The following LRMDA variants were observed in gnomAD, a reference collection of about 807,000 sequenced individuals.
LRMDA encodes leucine-rich melanocyte differentiation-associated protein.
Under a neutral mutation model 29.8 loss-of-function variants are expected in LRMDA, and 18 were observed. The ratio of observed to expected loss-of-function variants is 0.60; its 90% CI spans 0.42 to 0.90. The LOEUF (loss-of-function observed/expected upper bound fraction) is 0.90. Ranked by LOEUF, LRMDA falls within the 40% of genes least tolerant of loss-of-function variation. LRMDA has a pLI of 0.00. For missense variants in LRMDA, 273 were observed against 273.9 expected (o/e 1.00, Z 0.02); for synonymous variants, 125 against 109.4 (o/e 1.14, Z -0.89).
chr10:76,432,964 A>G (rs775876142), intron 6 of LRMDA, among the ~76,000 whole-genome samples: 1 of 152,208 alleles, frequency 6.6e-6, no homozygotes, highest in Non-Finnish European at 1.5e-5. Context: ...TTATCAGCAC[A>G]GAGGCCCAGG....
At chr10:76,187,688 G>A (rs1416734886) in intron 5 of LRMDA, among the ~76,000 whole-genome samples, 1 of 152,154 alleles carries the variant, frequency 6.6e-6, no homozygotes, top group Non-Finnish European at 1.5e-5. Context: ...GGGGACAGAG[G>A]TAAGGAAGGG....
intron 2 of LRMDA, among the ~76,000 whole-genome samples, chr10:75,592,591 C>A (rs1340281815): frequency 6.6e-6 from 1 of 152,200 alleles, no homozygotes; most frequent in Non-Finnish European, 1.5e-5. Flanking sequence ...ACAGAAAAAA[C>A]CACCAAGCAG....
chr10:75,440,309 G>C (rs1844312574), intron 2 of LRMDA, among the ~76,000 whole-genome samples: 1 of 150,882 alleles, frequency 6.6e-6, no homozygotes. Flanking sequence ...TTCCTTTGTT[G>C]AGAGGAGAGA....
At chr10:75,745,373 A>T (rs1192267778) in intron 2 of LRMDA, among the ~76,000 whole-genome samples, 1 of 152,084 alleles carries the variant, frequency 6.6e-6, no homozygotes, top group East Asian at 1.9e-4. Flanking sequence ...GCATCTTTTA[A>T]TTTTTTGTTA....
chr10:75,618,236 A>G (rs1841129211), intron 2 of LRMDA, among the ~76,000 whole-genome samples: 1 of 104,934 alleles, frequency 9.5e-6, no homozygotes, highest in East Asian at 2.7e-4. Flanking sequence ...ATTCATTACA[A>G]AATAACACTG....
At chr10:75,797,799 GA>G (rs1843678769) in intron 2 of LRMDA, among the ~76,000 whole-genome samples, 1 of 152,154 alleles carries the variant, frequency 6.6e-6, no homozygotes, top group African/African-American at 2.4e-5. Context: ...GTCAGTTGAT[GA>G]TGAACAATGC....
chr10:76,519,311 GA>G (rs1843095703), intron 6 of LRMDA, among the ~76,000 whole-genome samples: 1 of 152,126 alleles, frequency 6.6e-6, no homozygotes, highest in Admixed American at 6.5e-5. Flanking sequence ...CATTTATAAT[GA>G]AAATCTGTCA....
chr10:75,923,868 G>T (rs150120397), intron 2 of LRMDA, among the ~76,000 whole-genome samples: 2 of 152,032 alleles, frequency 1.3e-5, no homozygotes, highest in African/African-American at 4.8e-5. Flanking sequence ...GACTCACTAC[G>T]GCCTAGGACC....
chr10:76,338,401 A>AAAT (rs1174897041), intron 6 of LRMDA, among the ~76,000 whole-genome samples: 11 of 133,650 alleles, frequency 8.2e-5, no homozygotes, highest in Non-Finnish European at 1.5e-4. Context: ...AATAAATAAT[A>AAAT]AATAAATGGA....
chr10:75,937,537 C>T (rs77174521), intron 2 of LRMDA, among the ~76,000 whole-genome samples: 1 of 152,176 alleles, frequency 6.6e-6, no homozygotes, highest in African/African-American at 2.4e-5. Context: ...AGCAACACTG[C>T]CCCCCGTAAC....
At chr10:76,136,414 A>G (rs1029032642) in intron 5 of LRMDA, among the ~76,000 whole-genome samples, 2 of 152,190 alleles carry the variant, frequency 1.3e-5, no homozygotes, top group Non-Finnish European at 2.9e-5. Flanking sequence ...TCCCCATGGA[A>G]ACTTTATATT....
chr10:76,387,369 G>A (rs1319445914), intron 6 of LRMDA, among the ~76,000 whole-genome samples: 4 of 152,116 alleles, frequency 2.6e-5, no homozygotes, highest in Non-Finnish European at 5.9e-5. Context: ...GGGAGGCTGA[G>A]GTGGGCAAAT....
In LRMDA at chr10:76,448,562, G is replaced by A. The variant is rs77829153; in HGVS notation, c.602-108647G>A. Among the ~76,000 whole-genome samples, 1,108 of 152,064 alleles carry A rather than the reference G, an allele frequency of 7.3e-3. 11 individuals carry two copies. The highest frequency in any genetic ancestry group is 0.039 in the South Asian group (186 of 4,818). On this transcript the variant is annotated intron_variant, in intron 6 of 6. Transcript: ENST00000611255. ...ACCAGTAGGATAGATGAAAAGTGCC[G>A]TCTGTTGACATGTTAGTGCTCTGAA...
intron 2 of LRMDA, among the ~76,000 whole-genome samples, chr10:75,644,988 CTTTTTT>C (rs139813398): frequency 7.0e-6 from 1 of 143,764 alleles, no homozygotes. Context: ...TTATTTTACT[CTTTTTT>C]TTTTTTTTTT....
chr10:76,298,802 C>T (rs1373961108), intron 5 of LRMDA, among the ~76,000 whole-genome samples: 1 of 152,150 alleles, frequency 6.6e-6, no homozygotes, highest in African/African-American at 2.4e-5. Flanking sequence ...TGTTTTGTGA[C>T]TGTATGATGG....
intron 2 of LRMDA, among the ~76,000 whole-genome samples, chr10:75,495,223 T>C (rs1415866484): frequency 1.3e-5 from 2 of 152,118 alleles, no homozygotes; most frequent in Non-Finnish European, 2.9e-5. Flanking sequence ...GTATCCTGTC[T>C]CTCTCTTTCT....
At chr10:75,561,351 G>A (rs1840292177) in intron 2 of LRMDA, among the ~76,000 whole-genome samples, 2 of 148,110 alleles carry the variant, frequency 1.4e-5, no homozygotes, top group Admixed American at 6.8e-5. Context: ...TCTGATGGTA[G>A]TTTGTATTTC....
At chr10:76,540,251 T>C (rs772305526) in intron 6 of LRMDA, among the ~76,000 whole-genome samples, 2 of 152,176 alleles carry the variant, frequency 1.3e-5, no homozygotes, top group South Asian at 4.1e-4. Flanking sequence ...AACTTTTCCA[T>C]CTCCCAATTC....
chr10:75,693,324 G>A (rs980080256), intron 2 of LRMDA, among the ~76,000 whole-genome samples: 1 of 152,164 alleles, frequency 6.6e-6, no homozygotes, highest in African/African-American at 2.4e-5. Flanking sequence ...CCACAATGTA[G>A]CTAAATACTT....
Sources: gnomAD v4.1 joint callset for allele counts (sites outside exome capture counted in the v4.1 genomes callset) on GRCh38, gnomAD v4.1.1 for gene constraint, MANE v1.5 for transcripts, NCBI Gene and HGNC (gene_info 2026-07-23, HGNC 2026-07-21) for gene names.